The following PPFIBP2 variants were observed in gnomAD, a reference collection of about 807,000 sequenced individuals.
PPFIBP2 encodes liprin-beta-2.
A neutral mutation model predicts 118.3 loss-of-function variants in PPFIBP2; 118 were observed. The observed-to-expected ratio is 1.00, with a 90% CI of 0.86 to 1.16. The LOEUF is 1.16. Among genes scored for constraint, PPFIBP2 ranks in the 50% most tolerant of loss-of-function variants. PPFIBP2 has a pLI of 0.00. For synonymous variants in PPFIBP2, 414 were observed against 397.4 expected (o/e 1.04, Z -0.50); for missense variants, 1,195 against 1,073.1 (o/e 1.11, Z -1.59).
intron 12 of PPFIBP2, among the ~76,000 whole-genome samples, chr11:7,633,524 G>A (rs1160263923): frequency 6.6e-6 from 1 of 152,114 alleles, no homozygotes; most frequent in Non-Finnish European, 1.5e-5. Context: ...AGACATGGAG[G>A]CTTCACTACC....
At chr11:7,568,345 C>T (rs2134759563) in intron 3 of PPFIBP2, among the ~76,000 whole-genome samples, 1 of 152,322 alleles carries the variant, frequency 6.6e-6, no homozygotes, top group South Asian at 2.1e-4. Context: ...GGTTTTTGCT[C>T]AGGCACATCC....
At chr11:7,554,199 C>A (rs971495967) in intron 2 of PPFIBP2, among the ~76,000 whole-genome samples, 5 of 152,094 alleles carry the variant, frequency 3.3e-5, no homozygotes, top group Non-Finnish European at 7.3e-5. Context: ...ACTCAAGTAC[C>A]CAAAGAATGT....
At chr11:7,590,880 T>G (rs1859138480) in intron 3 of PPFIBP2, among the ~76,000 whole-genome samples, 1 of 152,254 alleles carries the variant, frequency 6.6e-6, no homozygotes, top group African/African-American at 2.4e-5. Context: ...ACACAAAATC[T>G]GTCTATGAAA....
At chr11:7,607,859 A>T (rs888494878) in intron 5 of PPFIBP2, among the ~76,000 whole-genome samples, 10 of 152,130 alleles carry the variant, frequency 6.6e-5, no homozygotes, top group Admixed American at 6.5e-4. Flanking sequence ...AATTTTTATG[A>T]TTTATTTTTT....
chr11:7,554,219 C>A (rs1313465296), intron 2 of PPFIBP2, among the ~76,000 whole-genome samples: 1 of 151,738 alleles, frequency 6.6e-6, no homozygotes, highest in Non-Finnish European at 1.5e-5. Context: ...TATTTTCTCA[C>A]AGTTACCACG....
intron 1 of PPFIBP2, among the ~76,000 whole-genome samples, chr11:7,549,052 G>T (rs1249637845): frequency 2.0e-5 from 3 of 152,188 alleles, no homozygotes; most frequent in Non-Finnish European, 4.4e-5. Flanking sequence ...TGCCTTGTAC[G>T]CCCTGACAGT....
the PPFIBP2 span, chr11:7,665,714 A>G: frequency 3.8e-5 from 44 of 1,142,892 alleles, no homozygotes; most frequent in Non-Finnish European, 5.2e-5. Context: ...ACTAGTAAAC[A>G]GCCCTCTGCA....
intron 8 of PPFIBP2, among the ~76,000 whole-genome samples, chr11:7,627,660 C>T (rs932821649): frequency 6.6e-6 from 1 of 152,192 alleles, no homozygotes; most frequent in Non-Finnish European, 1.5e-5. Flanking sequence ...CACAGACCAA[C>T]AGAGATTTCT....
intron 1 of PPFIBP2, among the ~76,000 whole-genome samples, chr11:7,528,639 C>G (rs189887609): frequency 6.6e-6 from 1 of 152,232 alleles, no homozygotes; most frequent in African/African-American, 2.4e-5. Flanking sequence ...GGGCAGTAAC[C>G]CAGGTGGGGC....
downstream of PPFIBP2, among the ~76,000 whole-genome samples, chr11:7,655,890 G>C (rs1050479770): frequency 6.6e-6 from 1 of 152,182 alleles, no homozygotes; most frequent in African/African-American, 2.4e-5. Context: ...CCTCTGCCCA[G>C]AGACATATGC....
chr11:7,562,686 A>G (rs954180531), intron 2 of PPFIBP2, among the ~76,000 whole-genome samples: 4 of 151,936 alleles, frequency 2.6e-5, no homozygotes, highest in Non-Finnish European at 4.4e-5. Context: ...TTACATCCCA[A>G]AGCCCCATGG....
chr11:7,537,791 A>G (rs2134405001), intron 1 of PPFIBP2, among the ~76,000 whole-genome samples: 1 of 152,242 alleles, frequency 6.6e-6, no homozygotes, highest in Non-Finnish European at 1.5e-5. Context: ...CCAAAGGCAC[A>G]GATCCCTGCC....
the PPFIBP2 span, among the ~76,000 whole-genome samples, chr11:7,663,040 T>C: frequency 7.4e-6 from 1 of 135,308 alleles, no homozygotes; most frequent in Non-Finnish European, 1.7e-5. Flanking sequence ...ATTCTAGTTA[T>C]ACATTCTTCT....
At chr11:7,621,106 C>T (rs556692938) in intron 7 of PPFIBP2, 79 bp downstream of exon 7, 26 of 1,134,656 alleles carry the variant, frequency 2.3e-5, no homozygotes, top group East Asian at 9.5e-5. Flanking sequence ...TGGGGGTTTC[C>T]AGTAGCCTAA....
In PPFIBP2 at chr11:7,648,387, T is replaced by G; in HGVS notation, c.1647T>G (p.Ser549Arg). 6.2e-7 allele frequency: 1 copy of G among 1,609,030 alleles called. No individual in the cohort carries two copies. Among genetic ancestry groups the G allele is most frequent in the Non-Finnish European group, 8.5e-7 (1 of 1,175,868 alleles). ...SRTRDSKGQK[S>R]DANAPFAQWS... The stretch of plus-strand genomic sequence containing the variant: ...AATATGCTGTTTTCCTGCTTCCCAG[T>G]GACGCCAATGCCCCCTTTGCCCAGT... The change falls in exon 18 of 24, where the codon AGT becomes AGG. Residue 549 changes from serine (S) to arginine (R), a missense_variant and splice_region_variant. By Grantham distance (110) the Ser-to-Arg change is moderately radical. Transcript: ENST00000299492.
chr11:7,529,169 C>T (rs545101416), intron 1 of PPFIBP2, among the ~76,000 whole-genome samples: 4 of 152,136 alleles, frequency 2.6e-5, no homozygotes, highest in African/African-American at 7.2e-5. Context: ...TGGGAGGAAG[C>T]TCTACCTCCT....
At chr11:7,580,657 A>G (rs1321261613) in intron 3 of PPFIBP2, among the ~76,000 whole-genome samples, 2 of 152,212 alleles carry the variant, frequency 1.3e-5, no homozygotes, top group African/African-American at 4.8e-5. Flanking sequence ...GGCCTGAATT[A>G]GAATCCTGGC....
intron 6 of PPFIBP2, among the ~76,000 whole-genome samples, chr11:7,618,499 CA>C (rs1848948394): frequency 6.6e-6 from 1 of 152,142 alleles, no homozygotes; most frequent in South Asian, 2.1e-4. Context: ...CCCTCTCCAA[CA>C]AACTGAGTAA....
rs769431375 is a variant in PPFIBP2 at position 7,630,989 on chromosome 11, C to T, written c.1029C>T (p.Asn343=). 2.3e-5 allele frequency: 37 copies of T among 1,613,894 alleles called. 1 individual carries two copies. Among genetic ancestry groups the T allele is most frequent in the Middle Eastern group, 1.6e-4 (1 of 6,084 alleles). ...CGGAGGGAGGTTTCAGCAAGTGGAA[C>T]GCTACAAATAAGGACCCTGAAGAAT... The part of the protein sequence containing the change: ...EEPEGGFSKW[N]ATNKDPEELF... Residue 343 remains asparagine, a synonymous_variant, in exon 11 of 24, where the codon AAC becomes AAT. Coordinates refer to ENST00000299492, the MANE Select transcript of PPFIBP2 (RefSeq NM_003621.5).
Sources: allele counts gnomAD v4.1 joint callset (sites outside exome capture counted in the v4.1 genomes callset), GRCh38; gene constraint gnomAD v4.1.1; transcripts MANE v1.5; gene names NCBI Gene and HGNC (gene_info 2026-07-23, HGNC 2026-07-21).